Variants in XKR9 observed in about 807,000 individuals in gnomAD.
The protein encoded by XKR9 is XK related 9.
Under a neutral mutation model 32.0 loss-of-function variants are expected in XKR9, and 32 were observed. The ratio of observed to expected loss-of-function variants is 1.00; its 90% confidence interval spans 0.76 to 1.34. The LOEUF is 1.34. Among genes scored for constraint, XKR9 ranks in the 40% most tolerant of loss-of-function variants. The pLI is 0.00. For missense variants in XKR9, 546 were observed against 429.7 expected, an observed-to-expected ratio of 1.27 and a Z score of -2.39; for synonymous variants, 168 against 143.4, an observed-to-expected ratio of 1.17 and a Z score of -1.22.
chr8:70,781,166 A>C lies in XKR9; in HGVS notation n.353-8173A>C, dbSNP rs78795520. Among the ~76,000 whole-genome samples the C allele has an allele frequency of 2.4e-3, 363 of 152,246 alleles. 1 individual carries two copies. The highest frequency in any genetic ancestry group is 0.01 in the Middle Eastern group (3 of 294). On this transcript the variant is annotated intron_variant and non_coding_transcript_variant, in intron 2 of 3. Transcript: ENST00000520273. ...ATTTGCATTTCTTTAGCAACTAACA[A>C]TATTCAGCATATTCAGCATCTTTTC...
At chr8:70,995,876 A>T in the XKR9 span, among the ~76,000 whole-genome samples, 7 of 152,022 alleles carry the variant, frequency 4.6e-5, no homozygotes, top group African/African-American at 1.7e-4. Flanking sequence ...TCTTCACCCA[A>T]TTCACATTTT....
exon 4 of XKR9, chr8:70,790,287 CA>C (rs1807748383): frequency 6.6e-6 from 1 of 151,700 alleles, no homozygotes; most frequent in Non-Finnish European, 1.5e-5. Context: ...AAAGTAGGTC[CA>C]AAACTTCACT....
Position 70,745,672 on chromosome 8 carries a change from T to G in XKR9, n.352+38519T>G, listed in dbSNP as rs570526779. 2.9e-4 allele frequency among the ~76,000 whole-genome samples: 44 copies of G among 152,298 alleles called. No individual in the cohort carries two copies. In the South Asian group the frequency reaches 9.1e-3, roughly 32 times the overall value. ...CCGTTGACTTTTGAAGGCTATCAGT[T>G]AATAATTAGTTTCAAAACAGCCACT... On this transcript the variant is annotated intron_variant and non_coding_transcript_variant, in intron 2 of 3. Coordinates refer to the XKR9 transcript ENST00000520273.
At chr8:70,808,420 A>T in the XKR9 span, among the ~76,000 whole-genome samples, 1 of 152,174 alleles carries the variant, frequency 6.6e-6, no homozygotes, top group Non-Finnish European at 1.5e-5. Flanking sequence ...TACTGGGTTC[A>T]TCTCACTGGG....
intron 4 of XKR9, among the ~76,000 whole-genome samples, chr8:70,713,563 G>A (rs912947524): frequency 6.6e-6 from 1 of 152,068 alleles, no homozygotes; most frequent in Non-Finnish European, 1.5e-5. Context: ...AAGAAGTAAA[G>A]AGCAAAGGAA....
rs911648714 is a variant in XKR9 at position 70,704,809 on chromosome 8, C to T, written c.273-2124C>T. 3.3e-5 allele frequency among the ~76,000 whole-genome samples: 5 copies of T among 152,172 alleles called. No individual in the cohort carries two copies. In the South Asian group the frequency reaches 6.2e-4, roughly 19 times the overall value. On this transcript the variant is annotated intron_variant, in intron 3 of 4. Coordinates refer to ENST00000408926, the MANE Select transcript of XKR9 (RefSeq NM_001011720.2). ...CAGATACCCAGAAAAGGCTAAAACA[C>T]GACTTTTCTTAGAAATCTTGCTTAT...
chr8:70,908,818 A>G, the XKR9 span, among the ~76,000 whole-genome samples: 1 of 152,198 alleles, frequency 6.6e-6, no homozygotes, highest in African/African-American at 2.4e-5. Flanking sequence ...GCTGTATAAA[A>G]AAAAGGCATT....
chr8:70,997,211 C>T, the XKR9 span, among the ~76,000 whole-genome samples: 2 of 151,948 alleles, frequency 1.3e-5, no homozygotes, highest in South Asian at 2.1e-4. Context: ...ACAGGAGAAT[C>T]GCTTGAACCC....
At chr8:70,823,914 T>G in the XKR9 span, among the ~76,000 whole-genome samples, 1 of 152,122 alleles carries the variant, frequency 6.6e-6, no homozygotes, top group African/African-American at 2.4e-5. Flanking sequence ...ATTTCACTGT[T>G]TTACCTAAAG....
At chr8:70,906,648 C>T in the XKR9 span, among the ~76,000 whole-genome samples, 1 of 152,130 alleles carries the variant, frequency 6.6e-6, no homozygotes, top group African/African-American at 2.4e-5. Flanking sequence ...ATGTGCCATT[C>T]AGCTTGAATG....
In XKR9 at chr8:70,734,340, CAG is replaced by C; in HGVS notation, c.1040_1041del (p.Arg347LysfsTer7). On this transcript the variant is annotated frameshift_variant, in exon 5 of 5. Coordinates refer to ENST00000408926, the MANE Select transcript of XKR9 (RefSeq NM_001011720.2). LOFTEE classifies it high-confidence loss of function. ...TTTATTATGGGAGTTTTCACCCAAA[CAG>C]AAGTGCAGAAACAAAATGTGATGAA... ...IVYYGSFHPN[R>X]SAETKCDEID... 1 of 1,611,712 alleles carries C rather than the reference CAG, an allele frequency of 6.2e-7. No homozygotes were observed. The highest frequency in any genetic ancestry group is 8.5e-7 in the Non-Finnish European group (1 of 1,179,438).
chr8:71,047,583 C>A, the XKR9 span, among the ~76,000 whole-genome samples: 2 of 152,206 alleles, frequency 1.3e-5, no homozygotes, highest in African/African-American at 2.4e-5. Context: ...CATTTCCAGG[C>A]TCATCCCTTA....
the XKR9 span, among the ~76,000 whole-genome samples, chr8:71,007,274 T>C: frequency 6.6e-6 from 1 of 152,204 alleles, no homozygotes; most frequent in African/African-American, 2.4e-5. Context: ...TCTTTCTTGC[T>C]TTACATACAT....
chr8:70,819,793 G>C, the XKR9 span, among the ~76,000 whole-genome samples: 1 of 152,036 alleles, frequency 6.6e-6, no homozygotes, highest in African/African-American at 2.4e-5. Flanking sequence ...TTAGTTAATC[G>C]TTCCTGTAGG....
At chr8:70,782,829 T>A (rs1197674687) in intron 2 of XKR9, among the ~76,000 whole-genome samples, 1 of 152,214 alleles carries the variant, frequency 6.6e-6, no homozygotes, top group Non-Finnish European at 1.5e-5. Flanking sequence ...CATCTGTTGA[T>A]GGACATTTTA....
the XKR9 span, among the ~76,000 whole-genome samples, chr8:70,937,341 CA>C: frequency 6.6e-6 from 1 of 151,974 alleles, no homozygotes; most frequent in African/African-American, 2.4e-5. Context: ...CATGATTTAA[CA>C]CATGATTTAA....
chr8:70,679,873 G>A (rs527347588), intron 2 of XKR9, among the ~76,000 whole-genome samples: 24 of 152,218 alleles, frequency 1.6e-4, no homozygotes, highest in Admixed American at 1.6e-3. Context: ...GCACATAGTG[G>A]TAAGTAAATG....
rs1348355603 is a variant in XKR9 at position 70,734,220 on chromosome 8, G to A, written c.918G>A (p.Trp306Ter). The change falls in exon 5 of 5, where the codon TGG (tryptophan) becomes TGA (stop). Residue 306 changes from tryptophan to a stop codon, truncating the protein, a stop_gained. Coordinates refer to ENST00000408926, the MANE Select transcript of XKR9 (RefSeq NM_001011720.2). LOFTEE classifies it high-confidence loss of function. ...LGTLGILTVF[W>*]VCPLTIFNPD... Reference sequence around the variant, plus strand: ...CTTTGGGGATATTGACTGTATTCTGGGTTTGCCCCCTCACTATTTTTAATC... The same window carrying A: ...CTTTGGGGATATTGACTGTATTCTGAGTTTGCCCCCTCACTATTTTTAATC... The A allele has an allele frequency of 1.2e-6, 2 of 1,612,706 alleles. No individual in the cohort carries two copies. The highest frequency in any genetic ancestry group is 1.3e-5 in the African/African-American group (1 of 74,778).
the XKR9 span, among the ~76,000 whole-genome samples, chr8:70,944,985 G>T: frequency 6.6e-6 from 1 of 152,012 alleles, no homozygotes; most frequent in South Asian, 2.1e-4. Flanking sequence ...TATCCATAGG[G>T]AATACAACAT....
Sources: gnomAD v4.1 joint callset for allele counts (sites outside exome capture counted in the v4.1 genomes callset) on GRCh38, gnomAD v4.1.1 for gene constraint, MANE v1.5 for transcripts, NCBI Gene and HGNC (gene_info 2026-07-23, HGNC 2026-07-21) for gene names.